PGAP1: variants seen among roughly 807,000 people sequenced by gnomAD.
PGAP1 encodes the protein GPI inositol-deacylase.
PGAP1 carries 76 observed loss-of-function variants against 127.0 expected under a neutral mutation model. The observed-to-expected ratio is 0.60, with a 90% CI of 0.50 to 0.72. The LOEUF (loss-of-function observed/expected upper bound fraction) is 0.72, where lower values mean the gene tolerates loss of function less well. Ranked by LOEUF, PGAP1 falls within the 30% of genes least tolerant of loss-of-function variation. PGAP1 has a pLI of 0.00. For synonymous variants in PGAP1, 362 were observed against 366.5 expected, an observed-to-expected ratio of 0.99 and a Z score of 0.14; for missense variants, 982 against 1,071.3, an observed-to-expected ratio of 0.92 and a Z score of 1.16.
chr2:196,870,585 C>T (rs1231679141), intron 19 of PGAP1, among the ~76,000 whole-genome samples: 1 of 152,078 alleles, frequency 6.6e-6, no homozygotes, highest in Non-Finnish European at 1.5e-5. Flanking sequence ...TGGGGGCCAC[C>T]ATGGCAAACC....
At chr2:196,842,689 A>T (rs1185950034) in intron 26 of PGAP1, 32 bp downstream of exon 26, 2 of 1,165,676 alleles carry the variant, frequency 1.7e-6, no homozygotes, top group Admixed American at 4.5e-5. Flanking sequence ...CCAAGAACAG[A>T]TATAAGAAAA....
In PGAP1 at chr2:196,904,504, G is replaced by A. The variant is rs143588200; in HGVS notation, c.650-1762C>T. Among the ~76,000 whole-genome samples, 171 of 152,262 alleles carry A rather than the reference G, an allele frequency of 1.1e-3. No homozygotes were observed. The East Asian group carries it at 0.019, about 17-fold the overall frequency. On this transcript the variant is annotated intron_variant, in intron 4 of 26. Transcript: ENST00000354764. ...TGTAATCCCAGCACTTTGGGAGGCCGAGGCGGGCGGATCATGAGGTCAAGA... is the reference window on the plus strand; with the variant it reads ...TGTAATCCCAGCACTTTGGGAGGCCAAGGCGGGCGGATCATGAGGTCAAGA...
At chr2:196,855,700 T>C (rs1326619611) in intron 20 of PGAP1, among the ~76,000 whole-genome samples, 2 of 152,176 alleles carry the variant, frequency 1.3e-5, no homozygotes, top group Non-Finnish European at 2.9e-5. Context: ...ATCATATGCT[T>C]TTTCTCTCTA....
At chr2:196,885,721 A>T (rs1457246058) in intron 11 of PGAP1, 113 bp downstream of exon 11, 1 of 716,688 alleles carries the variant, frequency 1.4e-6, no homozygotes, top group Non-Finnish European at 2.1e-6. Flanking sequence ...AAACAATATT[A>T]TAATTTCATA....
At chr2:196,879,598 GAC>G (rs1383925440) in intron 13 of PGAP1, among the ~76,000 whole-genome samples, 8 of 152,138 alleles carry the variant, frequency 5.3e-5, no homozygotes, top group African/African-American at 1.9e-4. Context: ...GGGAGGCTGA[GAC>G]AGAAGAATCA....
intron 1 of PGAP1, chr2:196,922,638 T>G: frequency 1.3e-4 from 48 of 358,676 alleles, no homozygotes; most frequent in East Asian, 1.8e-4. Flanking sequence ...GAGAGAGACA[T>G]CCTTTAAAAT....
chr2:196,891,188 T>G (rs987565322), intron 9 of PGAP1, among the ~76,000 whole-genome samples: 1 of 152,106 alleles, frequency 6.6e-6, no homozygotes, highest in African/African-American at 2.4e-5. Flanking sequence ...TAGTTAAGAT[T>G]TTATGCAGTT....
chr2:196,876,698 T>G (rs1418566562), intron 13 of PGAP1, among the ~76,000 whole-genome samples: 1 of 151,982 alleles, frequency 6.6e-6, no homozygotes, highest in Non-Finnish European at 1.5e-5. Context: ...GCTAGTGGGG[T>G]CTATCCTAGG....
chr2:196,847,909 A>G, intron 21 of PGAP1, 38 bp downstream of exon 21: 2 of 1,388,190 alleles, frequency 1.4e-6, no homozygotes, highest in Non-Finnish European at 2.0e-6. Flanking sequence ...TACATGTAAA[A>G]CACAATTAAA....
intron 3 of PGAP1, among the ~76,000 whole-genome samples, chr2:196,915,179 TC>T (rs1702964350): frequency 6.6e-6 from 1 of 152,214 alleles, no homozygotes; most frequent in East Asian, 1.9e-4. Flanking sequence ...CACTGGCTCC[TC>T]TTTTTTAGTT....
intron 19 of PGAP1, among the ~76,000 whole-genome samples, chr2:196,866,505 A>T (rs985909909): frequency 6.6e-6 from 1 of 152,214 alleles, no homozygotes; most frequent in African/African-American, 2.4e-5. Context: ...TAAGACCTAA[A>T]ACTATAAAAA....
At position 196,841,195 on chromosome 2, in the gene PGAP1, A is replaced by AT. The variant is rs1385306935; in HGVS notation, c.*38_*39insA. On this transcript the variant is annotated 3_prime_UTR_variant, in exon 27 of 27. Transcript: ENST00000354764. Reference sequence around the variant, plus strand: ...TGTGTTCCCTCTTATCACTGGCCCTAAACACATAAATTATCTTCATCATTC... The same window carrying AT: ...TGTGTTCCCTCTTATCACTGGCCCTATAACACATAAATTATCTTCATCATTC... 2.5e-6 allele frequency: 4 copies of AT among 1,592,598 alleles called. No homozygotes were observed. The highest frequency in any genetic ancestry group is 3.4e-6 in the Non-Finnish European group (4 of 1,168,554).
chr2:196,894,625 AC>A (rs1702214297), intron 7 of PGAP1, among the ~76,000 whole-genome samples: 1 of 152,158 alleles, frequency 6.6e-6, no homozygotes, highest in Admixed American at 6.5e-5. Context: ...ACACGTAGAA[AC>A]CCTGTCTCTA....
intron 5 of PGAP1, among the ~76,000 whole-genome samples, chr2:196,901,459 T>G (rs1168072672): frequency 6.6e-6 from 1 of 152,198 alleles, no homozygotes; most frequent in Non-Finnish European, 1.5e-5. Context: ...GGTATAACTA[T>G]GAAACAGTGA....
chr2:196,882,160 G>A (rs1463563152), intron 12 of PGAP1, among the ~76,000 whole-genome samples: 1 of 152,098 alleles, frequency 6.6e-6, no homozygotes, highest in Non-Finnish European at 1.5e-5. Context: ...GAGAGTTGTA[G>A]GTGTGTGGCT....
chr2:196,905,670 T>C (rs1317047708), intron 4 of PGAP1, among the ~76,000 whole-genome samples: 2 of 151,474 alleles, frequency 1.3e-5, no homozygotes, highest in African/African-American at 2.4e-5. Context: ...GGGTGATTTC[T>C]GCATTTCCAT....
intron 12 of PGAP1, among the ~76,000 whole-genome samples, chr2:196,883,577 A>G (rs1014257039): frequency 2.0e-5 from 3 of 152,190 alleles, no homozygotes; most frequent in African/African-American, 7.2e-5. Context: ...ATCCACTCTA[A>G]TGGCTTTTAA....
intron 12 of PGAP1, among the ~76,000 whole-genome samples, chr2:196,885,092 T>C (rs1701855732): frequency 6.6e-6 from 1 of 152,176 alleles, no homozygotes; most frequent in Admixed American, 6.6e-5. Context: ...CTAACTCAGC[T>C]CATATTTTAA....
intron 5 of PGAP1, among the ~76,000 whole-genome samples, chr2:196,899,604 T>C (rs549558515): frequency 6.6e-6 from 1 of 152,338 alleles, no homozygotes; most frequent in South Asian, 2.1e-4. Context: ...GTGCTAGAGT[T>C]GAAAAAGGAA....
Sources: allele counts gnomAD v4.1 joint callset (sites outside exome capture counted in the v4.1 genomes callset), GRCh38; gene constraint gnomAD v4.1.1; transcripts MANE v1.5; gene names NCBI Gene and HGNC (gene_info 2026-07-23, HGNC 2026-07-21).